NBEA: variants seen among roughly 807,000 people sequenced by gnomAD.
NBEA encodes the protein lysosomal-trafficking regulator 2.
Under a neutral mutation model 343.4 loss-of-function variants are expected in NBEA, and 44 were observed. That is an observed-to-expected ratio of 0.13 (90% confidence interval 0.10 to 0.16). The LOEUF (loss-of-function observed/expected upper bound fraction) is 0.16, where lower values mean the gene tolerates loss of function less well. Ranked by LOEUF, NBEA falls within the 10% of genes least tolerant of loss-of-function variation. NBEA has a pLI of 1.00. For missense variants in NBEA, 2,555 were observed against 3,631.3 expected, an observed-to-expected ratio of 0.70 and a Z score of 7.62; for synonymous variants, 1,175 against 1,238.7, an observed-to-expected ratio of 0.95 and a Z score of 1.08.
intron 38 of NBEA, among the ~76,000 whole-genome samples, chr13:35,402,767 C>T (rs1256116166): frequency 6.6e-6 from 1 of 152,028 alleles, no homozygotes; most frequent in Non-Finnish European, 1.5e-5. Flanking sequence ...GAATCAAATA[C>T]AAATAGGCCG....
At chr13:35,205,116 A>G (rs369480900) in intron 31 of NBEA, among the ~76,000 whole-genome samples, 16 of 152,280 alleles carry the variant, frequency 1.1e-4, no homozygotes, top group African/African-American at 3.8e-4. Flanking sequence ...GGTTTGAGAT[A>G]AAAGGGAAGG....
intron 41 of NBEA, among the ~76,000 whole-genome samples, chr13:35,473,530 T>C (rs2075741872): frequency 6.6e-6 from 1 of 152,212 alleles, no homozygotes; most frequent in Admixed American, 6.5e-5. Flanking sequence ...TTAAGGCCCA[T>C]AGGTGATCAG....
chr13:35,262,438 A>C (rs2033288938), intron 34 of NBEA, among the ~76,000 whole-genome samples: 1 of 152,216 alleles, frequency 6.6e-6, no homozygotes, highest in Admixed American at 6.5e-5. Context: ...AATGTCCTTC[A>C]TGAATAAACA....
chr13:35,020,072 C>A (rs2152540535), intron 1 of NBEA, among the ~76,000 whole-genome samples: 1 of 151,816 alleles, frequency 6.6e-6, no homozygotes, highest in South Asian at 2.1e-4. Context: ...ACATGCTCTT[C>A]TTTTATAGTT....
intron 38 of NBEA, among the ~76,000 whole-genome samples, chr13:35,408,046 T>C (rs2043368744): frequency 6.6e-6 from 1 of 152,066 alleles, no homozygotes; most frequent in African/African-American, 2.4e-5. Context: ...ATAGCCCAAA[T>C]AGCCAATGCA....
At chr13:35,482,909 T>A (rs1039194934) in intron 41 of NBEA, among the ~76,000 whole-genome samples, 1 of 151,826 alleles carries the variant, frequency 6.6e-6, no homozygotes, top group African/African-American at 2.4e-5. Context: ...TTATTTTTAT[T>A]TGGAAATTTT....
intron 1 of NBEA, among the ~76,000 whole-genome samples, chr13:34,983,754 G>T (rs1346779717): frequency 6.6e-6 from 1 of 152,098 alleles, no homozygotes; most frequent in Non-Finnish European, 1.5e-5. Flanking sequence ...GTTTTGATTT[G>T]CATTTCTCTG....
intron 36 of NBEA, among the ~76,000 whole-genome samples, chr13:35,326,408 G>C (rs563897141): frequency 5.9e-5 from 9 of 151,880 alleles, no homozygotes; most frequent in Non-Finnish European, 1.3e-4. Flanking sequence ...ATTATAAATG[G>C]GATTGCATTT....
chr13:35,210,990 T>C, intron 32 of NBEA, 63 bp from the exon 33 acceptor site: 7 of 1,472,796 alleles, frequency 4.8e-6, no homozygotes, highest in Non-Finnish European at 6.4e-6. Flanking sequence ...ATAGTAATGG[T>C]GTAATTAAAA....
chr13:35,140,526 AT>A, intron 17 of NBEA, among the ~76,000 whole-genome samples: 1 of 152,030 alleles, frequency 6.6e-6, no homozygotes, highest in Non-Finnish European at 1.5e-5. Context: ...TTAAATAGCC[AT>A]TTGACCTTTT....
At chr13:34,980,041 T>C (rs1176756485) in intron 1 of NBEA, among the ~76,000 whole-genome samples, 1 of 152,194 alleles carries the variant, frequency 6.6e-6, no homozygotes, top group African/African-American at 2.4e-5. Flanking sequence ...TCTTGTTCCA[T>C]TGATCCATTT....
intron 50 of NBEA, 104 bp from the exon 51 acceptor site, chr13:35,646,154 CT>C (rs1555327410): frequency 6.5e-6 from 6 of 926,124 alleles, no homozygotes; most frequent in Admixed American, 4.7e-5. Context: ...ATTTTCTGGA[CT>C]TTTTTTCATG....
intron 4 of NBEA, among the ~76,000 whole-genome samples, chr13:35,047,294 A>G (rs1425799325): frequency 1.3e-5 from 2 of 151,758 alleles, no homozygotes; most frequent in Admixed American, 6.6e-5. Context: ...AGCCACCTGC[A>G]TCTTCAGTCA....
chr13:35,215,254 G>C (rs764386357), intron 33 of NBEA, among the ~76,000 whole-genome samples: 1 of 151,580 alleles, frequency 6.6e-6, no homozygotes, highest in African/African-American at 2.4e-5. Context: ...TCATAATACT[G>C]AGTATTCAAA....
intron 7 of NBEA, among the ~76,000 whole-genome samples, chr13:35,056,448 C>A (rs1217909988): frequency 4.0e-5 from 6 of 151,826 alleles, no homozygotes; most frequent in African/African-American, 9.7e-5. Context: ...GGAAAGAAGA[C>A]CCTAAACAGA....
intron 34 of NBEA, among the ~76,000 whole-genome samples, chr13:35,253,505 T>G (rs2032222147): frequency 6.6e-6 from 1 of 152,260 alleles, no homozygotes; most frequent in South Asian, 2.1e-4. Flanking sequence ...TGATACTTGC[T>G]TCATTACAGT....
At chr13:35,411,639 T>C (rs1193405883) in intron 38 of NBEA, among the ~76,000 whole-genome samples, 4 of 115,988 alleles carry the variant, frequency 3.4e-5, no homozygotes, top group Admixed American at 9.5e-5. Flanking sequence ...TTCTTTTTTG[T>C]TTTTTGTTTT....
chr13:35,261,505 C>T (rs1181947658), intron 34 of NBEA, among the ~76,000 whole-genome samples: 1 of 151,758 alleles, frequency 6.6e-6, no homozygotes, highest in Non-Finnish European at 1.5e-5. Flanking sequence ...AGCGAGACTC[C>T]ATCTCAAAAT....
chr13:35,113,619 A>ATCTG (rs1008634326), intron 13 of NBEA, among the ~76,000 whole-genome samples: 1 of 151,424 alleles, frequency 6.6e-6, no homozygotes, highest in Non-Finnish European at 1.5e-5. Context: ...CTATCTATCT[A>ATCTG]TCTATCTATC....
Sources: gnomAD v4.1 joint callset for allele counts (sites outside exome capture counted in the v4.1 genomes callset) on GRCh38, gnomAD v4.1.1 for gene constraint, MANE v1.5 for transcripts, NCBI Gene and HGNC (gene_info 2026-07-23, HGNC 2026-07-21) for gene names.